YES1: variants seen among roughly 807,000 people sequenced by gnomAD.
The protein encoded by YES1 is YES proto-oncogene 1, Src family tyrosine kinase, also known as tyrosine-protein kinase Yes.
YES1 carries 39 observed loss-of-function variants against 70.4 expected under a neutral mutation model. That is an observed-to-expected ratio of 0.55 (90% confidence interval 0.43 to 0.72). YES1 has a LOEUF of 0.72. Ranked by LOEUF, YES1 falls within the 30% of genes least tolerant of loss-of-function variation. The pLI is 0.00. For missense variants in YES1, 495 were observed against 644.8 expected, an observed-to-expected ratio of 0.77 and a Z score of 2.52; for synonymous variants, 198 against 218.6, an observed-to-expected ratio of 0.91 and a Z score of 0.83.
At chr18:797,026 G>C (rs745629985) in intron 1 of YES1, among the ~76,000 whole-genome samples, 1 of 152,068 alleles carries the variant, frequency 6.6e-6, no homozygotes, top group Non-Finnish European at 1.5e-5. Flanking sequence ...TCATCTTCAA[G>C]TGGAGAAAAT....
chr18:751,961 A>G (rs1236628997), intron 2 of YES1, among the ~76,000 whole-genome samples, 157 bp from the exon 3 acceptor site: 1 of 152,006 alleles, frequency 6.6e-6, no homozygotes, highest in Non-Finnish European at 1.5e-5. Context: ...GAAGAATTTT[A>G]AAGTAGAGAG....
chr18:751,152 T>C (rs1048086105), intron 3 of YES1, among the ~76,000 whole-genome samples: 3 of 152,176 alleles, frequency 2.0e-5, no homozygotes, highest in Admixed American at 2.0e-4. Flanking sequence ...TAAATATATA[T>C]TTTGAGAAGT....
intron 1 of YES1, among the ~76,000 whole-genome samples, chr18:757,502 C>CA (rs747227284): frequency 0.17 from 15,770 of 90,858 alleles, 1,226 homozygotes; most frequent in Admixed American, 0.27. Flanking sequence ...GACTCCGTCT[C>CA]AAAAAAAAAA....
chr18:746,017 C>CA lies in YES1; in HGVS notation c.504dup (p.Glu169Ter). On this transcript the variant is annotated frameshift_variant, in exon 5 of 12. Transcript: ENST00000314574. LOFTEE classifies it high-confidence loss of function. Reference sequence around the variant, plus strand: ...TTTCCAGGATTCAAAAGTAATCTTTCAGCATCTTTTCTCCCCATTTTGCCA... The same window carrying CA: ...TTTCCAGGATTCAAAAGTAATCTTTCAAGCATCTTTTCTCCCCATTTTGCCA... 1 of 1,612,568 alleles carries CA rather than the reference C, an allele frequency of 6.2e-7. No homozygotes were observed. The highest frequency in any genetic ancestry group is 8.5e-7 in the Non-Finnish European group (1 of 1,179,600).
intron 1 of YES1, among the ~76,000 whole-genome samples, chr18:760,362 C>T (rs1215077214): frequency 2.6e-5 from 4 of 152,058 alleles, no homozygotes; most frequent in South Asian, 4.2e-4. Context: ...CCCCGCTACT[C>T]GGGAGGCTGA....
At chr18:798,921 G>C (rs772793059) in intron 1 of YES1, among the ~76,000 whole-genome samples, 3 of 152,082 alleles carry the variant, frequency 2.0e-5, no homozygotes, top group African/African-American at 4.8e-5. Flanking sequence ...GTTCTTTCTA[G>C]AATTTACATA....
intron 1 of YES1, among the ~76,000 whole-genome samples, chr18:810,726 T>C (rs963535138): frequency 2.0e-5 from 3 of 152,178 alleles, no homozygotes; most frequent in Non-Finnish European, 4.4e-5. Context: ...AAAAATACAA[T>C]TTAACTTCCT....
intron 1 of YES1, among the ~76,000 whole-genome samples, chr18:782,498 C>T (rs140867189): frequency 6.6e-6 from 1 of 152,174 alleles, no homozygotes; most frequent in Non-Finnish European, 1.5e-5. Context: ...ACTTAGGGCT[C>T]ACTACTCCAT....
chr18:764,736 TTC>T lies in YES1; in HGVS notation c.-8-7903_-8-7902del, dbSNP rs565172301. Reference sequence around the variant, plus strand: ...CATAATTTATCTGAATCTTTCTTTTTTCTCTCTTTTTTTTGAGACGGAGTCTC... The same window carrying T: ...CATAATTTATCTGAATCTTTCTTTTTTCTCTTTTTTTTGAGACGGAGTCTC... On this transcript the variant is annotated intron_variant, in intron 1 of 11. Transcript: ENST00000314574. 1.8e-3 allele frequency among the ~76,000 whole-genome samples: 275 copies of T among 152,268 alleles called. 1 individual carries two copies. Among genetic ancestry groups the T allele is most frequent in the African/African-American group, 6.4e-3 (265 of 41,550 alleles).
chr18:728,015 A>C (rs2080042318), intron 11 of YES1, among the ~76,000 whole-genome samples: 1 of 152,162 alleles, frequency 6.6e-6, no homozygotes, highest in African/African-American at 2.4e-5. Flanking sequence ...AGATATCTTA[A>C]GGGATGGGAC....
At chr18:789,291 GAAC>G (rs1373258769) in intron 1 of YES1, among the ~76,000 whole-genome samples, 56 of 152,006 alleles carry the variant, frequency 3.7e-4, no homozygotes, top group Admixed American at 3.7e-3. Context: ...AATTATAAAA[GAAC>G]AACTTTGCGA....
chr18:733,043 G>A (rs2080110747), intron 10 of YES1, 78 bp from the exon 11 acceptor site: 1 of 1,428,304 alleles, frequency 7.0e-7, no homozygotes, highest in African/African-American at 1.4e-5. Context: ...CAGGGCTAAT[G>A]TTCTGTCAAT....
At chr18:737,034 A>C in intron 9 of YES1, 73 bp from the exon 10 acceptor site, 2 of 1,274,574 alleles carry the variant, frequency 1.6e-6, no homozygotes, top group Admixed American at 4.9e-5. Flanking sequence ...ATTATGGTTA[A>C]TATCAAATTG....
intron 11 of YES1, among the ~76,000 whole-genome samples, chr18:728,697 TG>T (rs2080050377): frequency 6.6e-6 from 1 of 152,190 alleles, no homozygotes; most frequent in Admixed American, 6.5e-5. Flanking sequence ...AGCTAATTTT[TG>T]TATTTTTAGT....
chr18:728,707 G>A (rs568729155), intron 11 of YES1, among the ~76,000 whole-genome samples: 1 of 152,240 alleles, frequency 6.6e-6, no homozygotes, highest in Admixed American at 6.5e-5. Context: ...TGTATTTTTA[G>A]TAGAGATGGG....
chr18:785,628 T>C (rs1905898240), intron 1 of YES1, among the ~76,000 whole-genome samples: 2 of 151,936 alleles, frequency 1.3e-5, no homozygotes, highest in South Asian at 4.2e-4. Context: ...AATGCAACAG[T>C]GTTGAGAGGT....
chr18:792,583 GTGTA>G (rs1273912476), intron 1 of YES1, among the ~76,000 whole-genome samples: 3 of 137,338 alleles, frequency 2.2e-5, no homozygotes, highest in Non-Finnish European at 4.8e-5. Context: ...GTGTGTGTGT[GTGTA>G]TATACATATA....
chr18:742,829 T>C, intron 8 of YES1, 89 bp downstream of exon 8: 1 of 1,067,406 alleles, frequency 9.4e-7, no homozygotes, highest in Non-Finnish European at 1.3e-6. Context: ...AAATCTTAAA[T>C]TAGAAAACAG....
In YES1 at chr18:747,977, T is replaced by C. The variant is rs1428436896; in HGVS notation, c.413A>G (p.Lys138Arg). The C allele has an allele frequency of 1.9e-6, 3 of 1,613,938 alleles. No homozygotes were observed. Among genetic ancestry groups the C allele is most frequent in the Admixed American group, 1.7e-5 (1 of 60,014 alleles). ...WWEARSIATG[K>R]NGYIPSNYVA... ...ATAATTGCTCGGGATATAACCATTCTTTCCTGTAGCGATTGATCTTGCTTC... is the reference window on the plus strand; with the variant it reads ...ATAATTGCTCGGGATATAACCATTCCTTCCTGTAGCGATTGATCTTGCTTC... Residue 138 changes from lysine to arginine, a missense_variant, in exon 4 of 12, where the codon AAG becomes AGG. Lys to Arg is a conservative substitution (Grantham distance 26). Around this residue, in one of 2 missense-constraint regions of YES1, gnomAD observed 385 missense variants for 540.9 expected, o/e 0.71. Coordinates refer to ENST00000314574, the MANE Select transcript of YES1 (RefSeq NM_005433.4).
Sources: gnomAD v4.1 joint callset for allele counts (sites outside exome capture counted in the v4.1 genomes callset) on GRCh38, gnomAD v4.1.1 for gene constraint, gnomAD v4.1.1 regional missense constraint, MANE v1.5 for transcripts, NCBI Gene and HGNC (gene_info 2026-07-23, HGNC 2026-07-21) for gene names.